The following GLIS3 variants were observed in gnomAD, a reference collection of about 807,000 sequenced individuals.
GLIS3 encodes the protein GLIS family zinc finger 3.
Under a neutral mutation model 78.6 loss-of-function variants are expected in GLIS3, and 53 were observed. That is an observed-to-expected ratio of 0.67 (90% CI 0.54 to 0.85). The LOEUF (loss-of-function observed/expected upper bound fraction) is 0.85. GLIS3 is among the 40% of genes least tolerant of loss of function. GLIS3 has a pLI of 0.00. For synonymous variants in GLIS3, 684 were observed against 509.9 expected, an observed-to-expected ratio of 1.34 and a Z score of -4.60; for missense variants, 1,703 against 1,231.1, an observed-to-expected ratio of 1.38 and a Z score of -5.74.
chr9:4,135,188 A>C (rs1176483523), intron 2 of GLIS3, among the ~76,000 whole-genome samples: 1 of 152,230 alleles, frequency 6.6e-6, no homozygotes, highest in Non-Finnish European at 1.5e-5. Context: ...AGATAGCATT[A>C]TCTCTCTTTT....
At chr9:4,356,329 T>C in the GLIS3 span, among the ~76,000 whole-genome samples, 5 of 152,208 alleles carry the variant, frequency 3.3e-5, no homozygotes, top group Admixed American at 1.3e-4. Flanking sequence ...TTTGCATCAC[T>C]AACTCTCCAG....
At chr9:4,094,650 C>G (rs1309178692) in intron 4 of GLIS3, among the ~76,000 whole-genome samples, 3 of 152,116 alleles carry the variant, frequency 2.0e-5, no homozygotes, top group Non-Finnish European at 4.4e-5. Flanking sequence ...AATCCAAATA[C>G]TCTCATTTCT....
At chr9:4,141,089 C>T (rs1023510340) in intron 2 of GLIS3, among the ~76,000 whole-genome samples, 6 of 152,140 alleles carry the variant, frequency 3.9e-5, no homozygotes, top group Middle Eastern at 3.2e-3. Context: ...TGTGAGCCAC[C>T]GTGCCTGGCC....
intron 4 of GLIS3, among the ~76,000 whole-genome samples, chr9:4,053,663 G>A (rs576165981): frequency 2.3e-5 from 3 of 131,514 alleles, no homozygotes; most frequent in East Asian, 4.9e-4. Flanking sequence ...CTACAAGACA[G>A]AGGAAGAGCC....
At chr9:3,905,206 A>G (rs1454848492) in intron 6 of GLIS3, among the ~76,000 whole-genome samples, 10 of 136,984 alleles carry the variant, frequency 7.3e-5, no homozygotes, top group Admixed American at 1.6e-4. Flanking sequence ...TAGCTAGGAT[A>G]GTCTTGATCT....
chr9:4,336,423 G>T (rs1200184248), intron 2 of GLIS3, among the ~76,000 whole-genome samples: 2 of 152,174 alleles, frequency 1.3e-5, no homozygotes, highest in Non-Finnish European at 2.9e-5. Flanking sequence ...GCAGTTCTGG[G>T]TCAGGGACCT....
intron 6 of GLIS3, among the ~76,000 whole-genome samples, chr9:3,907,751 A>C (rs975558678): frequency 1.6e-4 from 25 of 152,096 alleles, no homozygotes; most frequent in African/African-American, 6.0e-4. Flanking sequence ...AGACTACCTG[A>C]ATTGGCACCC....
the GLIS3 span, among the ~76,000 whole-genome samples, chr9:4,407,261 C>T: frequency 6.6e-6 from 1 of 152,182 alleles, no homozygotes; most frequent in African/African-American, 2.4e-5. Flanking sequence ...TGAAACTAGA[C>T]CCTTATCTCT....
chr9:4,361,144 T>C, the GLIS3 span, among the ~76,000 whole-genome samples: 2 of 152,206 alleles, frequency 1.3e-5, no homozygotes, highest in Admixed American at 6.5e-5. Context: ...GGGAGTGTTA[T>C]TGCTGCCAGC....
At chr9:4,024,103 G>C in intron 4 of GLIS3, among the ~76,000 whole-genome samples, 1 of 152,070 alleles carries the variant, frequency 6.6e-6, no homozygotes. Context: ...GTGCTGCTTA[G>C]TCCATGAAAG....
the GLIS3 span, among the ~76,000 whole-genome samples, chr9:4,355,630 G>C: frequency 6.6e-6 from 1 of 152,130 alleles, no homozygotes; most frequent in Non-Finnish European, 1.5e-5. Flanking sequence ...ATCACCTTTG[G>C]AATCTGGCTT....
At chr9:4,092,942 C>T (rs534890651) in intron 4 of GLIS3, among the ~76,000 whole-genome samples, 5 of 152,160 alleles carry the variant, frequency 3.3e-5, no homozygotes, top group Admixed American at 2.6e-4. Flanking sequence ...AGAATCACCC[C>T]CATGCACGTG....
intron 2 of GLIS3, among the ~76,000 whole-genome samples, chr9:4,181,020 C>CT (rs1817274197): frequency 1.3e-5 from 2 of 152,190 alleles, no homozygotes; most frequent in Admixed American, 6.5e-5. Flanking sequence ...AGCAAGGTGT[C>CT]CACCTCAGAC....
chr9:3,858,458 G>T (rs1819935556), intron 8 of GLIS3, among the ~76,000 whole-genome samples: 1 of 152,008 alleles, frequency 6.6e-6, no homozygotes, highest in East Asian at 1.9e-4. Context: ...ACAAACCATG[G>T]TTTTAGCACT....
the GLIS3 span, among the ~76,000 whole-genome samples, chr9:4,416,082 CACTA>C: frequency 6.6e-6 from 1 of 150,862 alleles, no homozygotes; most frequent in Non-Finnish European, 1.5e-5. Flanking sequence ...CTAATGACTG[CACTA>C]ACTAAAACCA....
the GLIS3 span, among the ~76,000 whole-genome samples, chr9:4,441,526 GT>G: frequency 2.0e-5 from 3 of 152,166 alleles, no homozygotes; most frequent in Admixed American, 2.0e-4. Flanking sequence ...TTCTCAAAGT[GT>G]TGTTAAATTT....
intron 9 of GLIS3, among the ~76,000 whole-genome samples, chr9:3,832,629 TG>T (rs2129975202): frequency 6.6e-6 from 1 of 152,346 alleles, no homozygotes; most frequent in South Asian, 2.1e-4. Context: ...CTTTGATACC[TG>T]GAGGCCAGGC....
At chr9:4,351,279 G>C (rs371091942), upstream of GLIS3, among the ~76,000 whole-genome samples, 67 of 151,898 alleles carry the variant, frequency 4.4e-4, 1 homozygote, top group African/African-American at 1.6e-3. Context: ...ACTGGGTGTG[G>C]TTATAGTCCC....
chr9:4,321,725 T>C (rs957202662), intron 2 of GLIS3, among the ~76,000 whole-genome samples: 6 of 151,800 alleles, frequency 4.0e-5, no homozygotes, highest in African/African-American at 1.5e-4. Context: ...GCAGTTTTGT[T>C]TTGTTTTAGA....
Sources: allele counts gnomAD v4.1 joint callset (sites outside exome capture counted in the v4.1 genomes callset), GRCh38; gene constraint gnomAD v4.1.1; transcripts MANE v1.5; gene names NCBI Gene and HGNC (gene_info 2026-07-23, HGNC 2026-07-21).